The following ZMAT4 variants were observed in gnomAD, a reference collection of about 807,000 sequenced individuals.
The protein encoded by ZMAT4 is zinc finger matrin-type protein 4.
In ZMAT4, 17 loss-of-function variants were observed where a neutral mutation model predicts 28.7. That is an observed-to-expected ratio of 0.59 (90% CI 0.41 to 0.89). The LOEUF is 0.89. ZMAT4 is among the 40% of genes least tolerant of loss of function. The pLI, the probability that ZMAT4 is intolerant of heterozygous loss-of-function variation, is 0.00. For synonymous variants in ZMAT4, 117 were observed against 109.2 expected (o/e 1.07, Z -0.44); for missense variants, 240 against 283.8 (o/e 0.85, Z 1.11).
rs571842464 is a variant in ZMAT4 at position 40,729,605 on chromosome 8, T to C, written c.193-32204A>G. Among the ~76,000 whole-genome samples the C allele has an allele frequency of 1.3e-3, 203 of 150,448 alleles. 2 individuals carry two copies. In the East Asian group the frequency reaches 0.024, roughly 18 times the overall value. ...TACTTCTTTCTTTCTTTCTTTTTTT[T>C]TTTTTTTTGAGAAGGAGTCTCGCTC... On this transcript the variant is annotated intron_variant, in intron 3 of 6. Transcript: ENST00000297737.
chr8:40,746,241 C>T (rs868097584), intron 3 of ZMAT4, among the ~76,000 whole-genome samples: 1 of 120,712 alleles, frequency 8.3e-6, no homozygotes, highest in African/African-American at 3.2e-5. Flanking sequence ...CCCTCCCTCC[C>T]TCCCTCCCTC....
At chr8:40,730,052 G>A (rs7828602) in intron 3 of ZMAT4, among the ~76,000 whole-genome samples, 41,588 of 152,098 alleles carry the variant, frequency 0.27, 6,570 homozygotes, top group East Asian at 0.56. Context: ...TCATATGTGA[G>A]TACATTATGT....
intron 3 of ZMAT4, among the ~76,000 whole-genome samples, chr8:40,742,148 A>G (rs531245604): frequency 6.6e-6 from 1 of 151,738 alleles, no homozygotes; most frequent in South Asian, 2.1e-4. Context: ...GTCCCCAGCT[A>G]CTCAAGAGGC....
At chr8:40,831,850 C>T (rs1479537382) in intron 1 of ZMAT4, among the ~76,000 whole-genome samples, 1 of 152,198 alleles carries the variant, frequency 6.6e-6, no homozygotes, top group Non-Finnish European at 1.5e-5. Context: ...GTGAGAGCTC[C>T]TGACCCAGAA....
chr8:40,873,452 T>C (rs907557), intron 1 of ZMAT4, among the ~76,000 whole-genome samples: 118,127 of 152,080 alleles, frequency 0.78, 45,996 homozygotes, highest in Admixed American at 0.82. Flanking sequence ...CAGGGATTCC[T>C]TGACTTGGCC....
intron 2 of ZMAT4, among the ~76,000 whole-genome samples, chr8:40,774,590 C>T (rs1813511163): frequency 6.6e-6 from 1 of 151,320 alleles, no homozygotes; most frequent in African/African-American, 2.4e-5. Flanking sequence ...AGTTAAATGC[C>T]CTAAAACAAG....
Position 40,878,994 on chromosome 8 carries a change from C to T in ZMAT4, c.-5+18689G>A, listed in dbSNP as rs114275054. ...TGGCTGTGGCTTTGCTACTGACTAG[C>T]ACTTGGGGAGTCTACCCTGTCTGTG... On this transcript the variant is annotated intron_variant, in intron 1 of 6. Coordinates refer to ENST00000297737, the MANE Select transcript of ZMAT4 (RefSeq NM_024645.3). Among the ~76,000 whole-genome samples, 657 of 152,320 alleles carry T rather than the reference C, an allele frequency of 4.3e-3. 5 individuals carry two copies. The highest frequency in any genetic ancestry group is 0.015 in the African/African-American group (623 of 41,564).
chr8:40,613,054 G>C (rs545931958), intron 5 of ZMAT4, among the ~76,000 whole-genome samples: 2 of 151,056 alleles, frequency 1.3e-5, no homozygotes, highest in Non-Finnish European at 2.9e-5. Context: ...CTCGTGATCC[G>C]CCCACCTCAG....
rs114775731 is a variant in ZMAT4 at position 40,669,618 on chromosome 8, A to G, written c.577+5086T>C. Among the ~76,000 whole-genome samples, 1,036 of 152,246 alleles carry G rather than the reference A, an allele frequency of 6.8e-3. 12 individuals are homozygous for G. The highest frequency in any genetic ancestry group is 0.024 in the African/African-American group (983 of 41,554). On this transcript the variant is annotated intron_variant, in intron 5 of 6. Transcript: ENST00000297737. ...TCTTCCTGATGATTTTCTTAATAAC[A>G]TTTTATTTATGTTACTTTATTGTAA...
At chr8:40,597,060 T>C (rs1163710515) in intron 5 of ZMAT4, among the ~76,000 whole-genome samples, 2 of 152,172 alleles carry the variant, frequency 1.3e-5, no homozygotes, top group African/African-American at 4.8e-5. Context: ...GATTATAATC[T>C]ATGTGAGATA....
intron 5 of ZMAT4, among the ~76,000 whole-genome samples, chr8:40,659,786 A>G (rs1408234823): frequency 6.6e-6 from 1 of 152,192 alleles, no homozygotes; most frequent in Non-Finnish European, 1.5e-5. Context: ...GAAGCAACTC[A>G]TCAAGGTCTC....
chr8:40,809,209 AC>A (rs1406648989), intron 2 of ZMAT4, among the ~76,000 whole-genome samples: 1 of 152,188 alleles, frequency 6.6e-6, no homozygotes, highest in Non-Finnish European at 1.5e-5. Flanking sequence ...GGAACAGAAA[AC>A]CAAATACTTC....
chr8:40,550,866 C>A (rs1585672806), intron 6 of ZMAT4, among the ~76,000 whole-genome samples: 1 of 152,240 alleles, frequency 6.6e-6, no homozygotes, highest in East Asian at 1.9e-4. Flanking sequence ...AATATACCTA[C>A]TTTTTAGTCG....
chr8:40,825,244 G>T (rs1815988738), intron 2 of ZMAT4, among the ~76,000 whole-genome samples: 1 of 152,126 alleles, frequency 6.6e-6, no homozygotes, highest in African/African-American at 2.4e-5. Flanking sequence ...ACAATGCATT[G>T]CACCCTGGAT....
intron 2 of ZMAT4, among the ~76,000 whole-genome samples, chr8:40,801,980 C>T (rs1041698086): frequency 1.3e-5 from 2 of 152,108 alleles, no homozygotes; most frequent in African/African-American, 2.4e-5. Flanking sequence ...AAAAAAATCG[C>T]ATGATCTATT....
chr8:40,767,842 C>T (rs1035476890), intron 2 of ZMAT4, 112 bp from the exon 3 acceptor site: 1 of 786,560 alleles, frequency 1.3e-6, no homozygotes, highest in South Asian at 1.9e-5. Context: ...GTAGAAGACA[C>T]TTCTGCATAC....
chr8:40,685,822 A>G (rs2150483364), intron 4 of ZMAT4, among the ~76,000 whole-genome samples: 1 of 152,300 alleles, frequency 6.6e-6, no homozygotes, highest in South Asian at 2.1e-4. Flanking sequence ...TTAGGAAAGC[A>G]CTGGATTAGG....
intron 2 of ZMAT4, among the ~76,000 whole-genome samples, chr8:40,801,365 T>TATATATATATATATATATATATATAC (rs1554559774): frequency 6.9e-6 from 1 of 144,370 alleles, no homozygotes; most frequent in African/African-American, 2.6e-5. Context: ...TATATATATA[T>TATATATATATATATATATATATATAC]ATATATACAT....
intron 4 of ZMAT4, among the ~76,000 whole-genome samples, chr8:40,695,768 A>ATTTTTTTTTTTTTTTTTTTTTTTTTT (rs756360990): frequency 1.7e-5 from 1 of 58,468 alleles, no homozygotes; most frequent in African/African-American, 6.8e-5. Context: ...CCATGTGGCA[A>ATTTTTTTTTTTTTTTTTTTTTTTTTT]TTTTTTTTTT....
Sources: allele counts gnomAD v4.1 joint callset (sites outside exome capture counted in the v4.1 genomes callset), GRCh38; gene constraint gnomAD v4.1.1; transcripts MANE v1.5; gene names NCBI Gene and HGNC (gene_info 2026-07-23, HGNC 2026-07-21).